The following ACVR2A variants were observed in gnomAD, a reference collection of about 807,000 sequenced individuals.
The protein encoded by ACVR2A is activin receptor type-2A.
Under a neutral mutation model 61.4 loss-of-function variants are expected in ACVR2A, and 7 were observed. The observed-to-expected ratio is 0.11, with a 90% CI of 0.06 to 0.21. The LOEUF (loss-of-function observed/expected upper bound fraction) is 0.21. ACVR2A is among the 10% of genes least tolerant of loss of function. The pLI, the probability that ACVR2A is intolerant of heterozygous loss-of-function variation, is 1.00. For missense variants in ACVR2A, 322 were observed against 621.7 expected (o/e 0.52, Z 5.13); for synonymous variants, 193 against 208.3 (o/e 0.93, Z 0.63).
At chr2:147,925,058 A>C (rs1687470010) in intron 9 of ACVR2A, among the ~76,000 whole-genome samples, 1 of 151,966 alleles carries the variant, frequency 6.6e-6, no homozygotes, top group South Asian at 2.1e-4. Context: ...GAGCTTCACA[A>C]AATTTGTGTT....
At chr2:147,891,967 TTTTTGTTTTG>T (rs1553444011) in intron 1 of ACVR2A, among the ~76,000 whole-genome samples, 1 of 151,974 alleles carries the variant, frequency 6.6e-6, no homozygotes, top group South Asian at 2.1e-4. Flanking sequence ...TTTTTTGTTT[TTTTTGTTTTG>T]TTTTGTTTTT....
chr2:147,905,248 C>T (rs1686961472), intron 4 of ACVR2A, among the ~76,000 whole-genome samples: 1 of 151,918 alleles, frequency 6.6e-6, no homozygotes, highest in Admixed American at 6.6e-5. Flanking sequence ...TATTCCACAA[C>T]TGGCTTATTT....
intron 6 of ACVR2A, 45 bp from the exon 7 acceptor site, chr2:147,918,402 G>C (rs771457044): frequency 1.9e-6 from 3 of 1,555,890 alleles, no homozygotes; most frequent in Admixed American, 3.9e-5. Context: ...TATACATATG[G>C]CCTTTGTCAA....
At chr2:147,871,864 C>G (rs1043563550) in intron 1 of ACVR2A, among the ~76,000 whole-genome samples, 5 of 152,166 alleles carry the variant, frequency 3.3e-5, no homozygotes, top group Admixed American at 2.0e-4. Flanking sequence ...TCTGCTCATT[C>G]TCTTCTCTTG....
At chr2:147,882,672 ATGTTTATATT>A (rs1686335747) in intron 1 of ACVR2A, among the ~76,000 whole-genome samples, 1 of 152,160 alleles carries the variant, frequency 6.6e-6, no homozygotes, top group Non-Finnish European at 1.5e-5. Flanking sequence ...ACAACATATA[ATGTTTATATT>A]TTTAGTTTAT....
At chr2:147,896,941 T>C (rs1317214611) in intron 2 of ACVR2A, 3 of 154,334 alleles carry the variant, frequency 1.9e-5, no homozygotes, top group Non-Finnish European at 4.3e-5. Flanking sequence ...AAATTGATCT[T>C]ACTACATTCC....
chr2:147,861,019 G>A (rs937068022), intron 1 of ACVR2A, among the ~76,000 whole-genome samples: 1 of 152,148 alleles, frequency 6.6e-6, no homozygotes, highest in Non-Finnish European at 1.5e-5. Flanking sequence ...CCTGGTCCTC[G>A]TCTGGAAAAT....
chr2:147,858,460 T>C (rs995311113), intron 1 of ACVR2A, among the ~76,000 whole-genome samples: 3 of 152,206 alleles, frequency 2.0e-5, no homozygotes, highest in Non-Finnish European at 4.4e-5. Context: ...CTGTATGATA[T>C]GGCCCCATTC....
At chr2:147,875,797 A>T (rs1018718081) in intron 1 of ACVR2A, among the ~76,000 whole-genome samples, 3 of 152,130 alleles carry the variant, frequency 2.0e-5, no homozygotes, top group Admixed American at 6.6e-5. Flanking sequence ...ATTAGCACAG[A>T]TGTCAGATAA....
rs183507950 is a variant in ACVR2A at position 147,920,357 on chromosome 2, A to T, written c.1077+13A>T. On this transcript the variant is annotated intron_variant, in intron 8 of 10. Transcript: ENST00000241416. The stretch of plus-strand genomic sequence containing the variant: ...TACCCATGGACAGGTAAGGATGATG[A>T]TTATAAAATGTAAGAAAAAATAAAC... 1,694 of 1,569,582 alleles carry T rather than the reference A, an allele frequency of 1.1e-3. 5 individuals are homozygous for T. The highest frequency in any genetic ancestry group is 3.3e-3 in the South Asian group (288 of 87,202).
At chr2:147,909,943 T>TA (rs141208191) in intron 4 of ACVR2A, among the ~76,000 whole-genome samples, 1 of 152,152 alleles carries the variant, frequency 6.6e-6, no homozygotes, top group Non-Finnish European at 1.5e-5. Context: ...ACCTGGCCTT[T>TA]AAAAAAATTT....
chr2:147,845,340 C>G (rs1480940328), intron 1 of ACVR2A, 133 bp downstream of exon 1: 3 of 443,910 alleles, frequency 6.8e-6, no homozygotes, highest in East Asian at 4.6e-5. Context: ...CGCCCCTCGG[C>G]TGCCACCGCC....
intron 1 of ACVR2A, among the ~76,000 whole-genome samples, chr2:147,879,189 G>A (rs918206477): frequency 6.6e-6 from 1 of 151,862 alleles, no homozygotes; most frequent in Non-Finnish European, 1.5e-5. Context: ...ACTCTGTTTT[G>A]TGTTGCTATT....
At chr2:147,923,200 AGT>A in intron 9 of ACVR2A, 89 bp downstream of exon 9, 1 of 1,420,716 alleles carries the variant, frequency 7.0e-7, no homozygotes, top group Non-Finnish European at 9.4e-7. Flanking sequence ...AATATTTTAA[AGT>A]ACAGTTTTTT....
chr2:147,887,980 T>C (rs542539221), intron 1 of ACVR2A, among the ~76,000 whole-genome samples: 2 of 152,240 alleles, frequency 1.3e-5, no homozygotes, highest in South Asian at 4.1e-4. Context: ...AGAGCTGGGC[T>C]TTCTGGAACT....
chr2:147,865,312 G>A (rs1685826067), intron 1 of ACVR2A, among the ~76,000 whole-genome samples: 1 of 152,112 alleles, frequency 6.6e-6, no homozygotes. Context: ...CGTACCTTTT[G>A]TTCCCTCTTT....
rs755289169 is a variant in ACVR2A at position 147,881,617 on chromosome 2, GTGTGTGTGTGTGTGTGTGTGTGTGTA to G, written c.56-14665_56-14640del. 2.3e-3 allele frequency among the ~76,000 whole-genome samples: 250 copies of G among 108,684 alleles called. 2 individuals carry two copies. The highest frequency in any genetic ancestry group is 2.8e-3 in the African/African-American group (95 of 34,032). The allele number at this position is 108,684 out of a possible 152,430, so 71.3% of individuals were successfully genotyped here. ...GAAGCTGCTTAGTGTGTGTGTGTGT[GTGTGTGTGTGTGTGTGTGTGTGTGTA>G]TGTGTGTGTGTGTGTGTGGTTTTTT... On this transcript the variant is annotated intron_variant, in intron 1 of 10. Coordinates refer to ENST00000241416, the MANE Select transcript of ACVR2A (RefSeq NM_001616.5).
intron 8 of ACVR2A, 113 bp from the exon 9 acceptor site, chr2:147,922,860 G>A: frequency 9.4e-7 from 1 of 1,065,766 alleles, no homozygotes; most frequent in Non-Finnish European, 1.4e-6. Flanking sequence ...GCTATAGTGT[G>A]TATACCTTAC....
At position 147,853,251 on chromosome 2, in the gene ACVR2A, C is replaced by T. The variant is rs149733608; in HGVS notation, c.55+8044C>T. Among the ~76,000 whole-genome samples, 170 of 152,072 alleles carry T rather than the reference C, an allele frequency of 1.1e-3. 1 individual carries two copies. Among genetic ancestry groups the T allele is most frequent in the African/African-American group, 3.7e-3 (154 of 41,508 alleles). ...AAGAGTACATAATAAAACATGATAA[C>T]GTAATATTCTCTTAAAGAGGCAGAC... On this transcript the variant is annotated intron_variant, in intron 1 of 10. Coordinates refer to ENST00000241416, the MANE Select transcript of ACVR2A (RefSeq NM_001616.5).
Sources: gnomAD v4.1 joint callset for allele counts (sites outside exome capture counted in the v4.1 genomes callset) on GRCh38, gnomAD v4.1.1 for gene constraint, MANE v1.5 for transcripts, NCBI Gene and HGNC (gene_info 2026-07-23, HGNC 2026-07-21) for gene names.